MRTFA: variants seen among roughly 807,000 people sequenced by gnomAD.
MRTFA encodes myocardin related transcription factor A, also known as myocardin-related transcription factor A.
A neutral mutation model predicts 83.5 loss-of-function variants in MRTFA; 20 were observed. The observed-to-expected ratio is 0.24, with a 90% confidence interval of 0.17 to 0.35. The LOEUF is 0.35. Ranked by LOEUF, MRTFA falls within the 10% of genes least tolerant of loss-of-function variation. The pLI is 1.00. For missense variants in MRTFA, 1,200 were observed against 1,224.7 expected, an observed-to-expected ratio of 0.98 and a Z score of 0.30; for synonymous variants, 659 against 541.2, an observed-to-expected ratio of 1.22 and a Z score of -3.02.
chr22:40,520,447 C>T (rs1348541883), intron 3 of MRTFA, among the ~76,000 whole-genome samples: 1 of 151,878 alleles, frequency 6.6e-6, no homozygotes, highest in Non-Finnish European at 1.5e-5. Flanking sequence ...GTTCTGTCAC[C>T]CAGGCTAGAG....
intron 3 of MRTFA, among the ~76,000 whole-genome samples, chr22:40,508,469 G>A (rs2147237202): frequency 7.6e-6 from 1 of 130,816 alleles, no homozygotes; most frequent in Non-Finnish European, 1.5e-5. Context: ...CTGAGATCAT[G>A]CCAGTGCACT....
intron 3 of MRTFA, among the ~76,000 whole-genome samples, chr22:40,547,025 G>A (rs1482919962): frequency 6.6e-6 from 1 of 151,998 alleles, no homozygotes; most frequent in African/African-American, 2.4e-5. Context: ...CGTGGTGGTA[G>A]GCACCTGTAG....
chr22:40,601,466 C>T (rs945085890), intron 1 of MRTFA, among the ~76,000 whole-genome samples: 1 of 152,162 alleles, frequency 6.6e-6, no homozygotes, highest in Non-Finnish European at 1.5e-5. Context: ...GCCTTGACCT[C>T]CTAAAGTGCT....
chr22:40,418,731 G>T lies in MRTFA; in HGVS notation c.2007C>A (p.Ala669=). ...CCTGCTTCACGGGGGTGCCGAGGGG[G>T]GCGGGGGCGGGGGCGGGCTGCTGGG... The change falls in exon 12 of 15, where the codon GCC becomes GCA. Residue 669 remains alanine (A), a synonymous_variant. Transcript: ENST00000355630. The T allele has an allele frequency of 6.8e-7, 1 of 1,461,228 alleles. No individual in the cohort carries two copies. Among genetic ancestry groups the T allele is most frequent in the Non-Finnish European group, 9.0e-7 (1 of 1,107,732 alleles). The allele number at this position is 1,461,228 out of a possible 1,614,324, so 90.5% of individuals were successfully genotyped here. A position where few individuals can be genotyped will look rare whatever the true frequency, so the allele number is the denominator to read the frequency against.
intron 1 of MRTFA, among the ~76,000 whole-genome samples, chr22:40,611,547 A>G (rs1569351988): frequency 6.6e-6 from 1 of 152,072 alleles, no homozygotes; most frequent in Non-Finnish European, 1.5e-5. Context: ...GCCCTGCCCA[A>G]AGAGAGCTGT....
intron 10 of MRTFA, 71 bp from the exon 11 acceptor site, chr22:40,420,647 T>C: frequency 6.3e-7 from 1 of 1,577,324 alleles, no homozygotes; most frequent in Non-Finnish European, 8.6e-7. Flanking sequence ...AGCCCAAGCC[T>C]GGGCAGCAGG....
Position 40,577,366 on chromosome 22 carries a change from GAGAA to G in MRTFA, c.-22+17304_-22+17307del. ...CTTGAAAGACTCCATTTTGGAATGA[GAGAA>G]AGCACAACTTTAAAGGATGTTATGT... On this transcript the variant is annotated intron_variant, in intron 2 of 14. Coordinates refer to ENST00000355630, the MANE Select transcript of MRTFA (RefSeq NM_020831.6). Among the ~76,000 whole-genome samples the G allele has an allele frequency of 1.3e-5, 2 of 151,644 alleles. 1 individual carries two copies. The highest frequency in any genetic ancestry group is 1.3e-4 in the Admixed American group (2 of 15,222).
chr22:40,625,032 G>A (rs1168029063), intron 1 of MRTFA, among the ~76,000 whole-genome samples: 1 of 152,094 alleles, frequency 6.6e-6, no homozygotes, highest in Admixed American at 6.6e-5. Context: ...CTTCTACTGG[G>A]TAAAAGAAAT....
intron 3 of MRTFA, among the ~76,000 whole-genome samples, chr22:40,546,786 G>A (rs2055370951): frequency 6.6e-6 from 1 of 152,236 alleles, no homozygotes; most frequent in African/African-American, 2.4e-5. Flanking sequence ...AGCAACAGCT[G>A]CCTTCTACTC....
chr22:40,447,412 G>A (rs1403885571), intron 4 of MRTFA, among the ~76,000 whole-genome samples: 1 of 151,948 alleles, frequency 6.6e-6, no homozygotes, highest in South Asian at 2.1e-4. Context: ...AAAAGGGAGT[G>A]AGCCCTGCAG....
chr22:40,496,794 T>C (rs1372210495), intron 3 of MRTFA, among the ~76,000 whole-genome samples: 1 of 149,328 alleles, frequency 6.7e-6, no homozygotes, highest in Admixed American at 6.7e-5. Context: ...CTACATCAAA[T>C]AACTACTGTC....
intron 3 of MRTFA, among the ~76,000 whole-genome samples, chr22:40,470,257 A>ATATT (rs1569283436): frequency 8.9e-6 from 1 of 111,748 alleles, no homozygotes; most frequent in African/African-American, 4.1e-5. Flanking sequence ...ATATATATAT[A>ATATT]TATATATATA....
chr22:40,576,185 C>T (rs144055212), intron 2 of MRTFA, among the ~76,000 whole-genome samples: 4 of 152,050 alleles, frequency 2.6e-5, no homozygotes, highest in South Asian at 2.1e-4. Flanking sequence ...CGCGCCACCA[C>T]GCTCAGCTAA....
At chr22:40,620,304 A>G (rs965553664) in intron 1 of MRTFA, among the ~76,000 whole-genome samples, 6 of 151,282 alleles carry the variant, frequency 4.0e-5, no homozygotes, top group Non-Finnish European at 8.8e-5. Flanking sequence ...TTGTATTTTT[A>G]GTAGAGATGG....
chr22:40,459,618 A>T (rs374798278), intron 4 of MRTFA, among the ~76,000 whole-genome samples: 5 of 151,526 alleles, frequency 3.3e-5, no homozygotes, highest in African/African-American at 7.3e-5. Context: ...GTTGTTTCAA[A>T]CTCCATGCCC....
chr22:40,609,128 T>C (rs931955525), intron 1 of MRTFA, among the ~76,000 whole-genome samples: 29 of 151,716 alleles, frequency 1.9e-4, no homozygotes, highest in Non-Finnish European at 4.0e-4. Flanking sequence ...CCATTTCTAC[T>C]AAAATACAAA....
chr22:40,610,530 C>A lies in MRTFA; in HGVS notation c.-83-15795G>T, dbSNP rs558634994. Among the ~76,000 whole-genome samples the A allele has an allele frequency of 8.5e-5, 13 of 152,250 alleles. No homozygotes were observed. In the South Asian group the frequency reaches 1.2e-3, roughly 15 times the overall value. ...GAGCTATTATCAGACAGAAGCAGCTCTTAATCTCCTTGGCTTCCTTTTCAG... is the reference window on the plus strand; with the variant it reads ...GAGCTATTATCAGACAGAAGCAGCTATTAATCTCCTTGGCTTCCTTTTCAG... On this transcript the variant is annotated intron_variant, in intron 1 of 14. Transcript: ENST00000355630.
At chr22:40,572,207 G>T (rs2147346910) in intron 2 of MRTFA, among the ~76,000 whole-genome samples, 1 of 152,256 alleles carries the variant, frequency 6.6e-6, no homozygotes, top group Non-Finnish European at 1.5e-5. Flanking sequence ...GGGGAACAGG[G>T]AGATAGCAGG....
intron 3 of MRTFA, among the ~76,000 whole-genome samples, chr22:40,530,069 A>G (rs1166779794): frequency 6.6e-6 from 1 of 152,176 alleles, no homozygotes; most frequent in Non-Finnish European, 1.5e-5. Flanking sequence ...GAACTGTCTC[A>G]ACTGTTTTCT....
Sources: allele counts gnomAD v4.1 joint callset (sites outside exome capture counted in the v4.1 genomes callset), GRCh38; gene constraint gnomAD v4.1.1; transcripts MANE v1.5; gene names NCBI Gene and HGNC (gene_info 2026-07-23, HGNC 2026-07-21).